The following TRIM66 variants were observed in gnomAD, a reference collection of about 807,000 sequenced individuals.
The protein encoded by TRIM66 is tripartite motif-containing protein 66.
Under a neutral mutation model 148.2 loss-of-function variants are expected in TRIM66, and 99 were observed. The observed-to-expected ratio is 0.67, with a 90% CI of 0.57 to 0.79. TRIM66 has a LOEUF of 0.79. Among genes scored for constraint, TRIM66 ranks in the 30% least tolerant of loss-of-function variants. The pLI is 0.00. For synonymous variants in TRIM66, 616 were observed against 635.9 expected, an observed-to-expected ratio of 0.97 and a Z score of 0.47; for missense variants, 1,666 against 1,697.9, an observed-to-expected ratio of 0.98 and a Z score of 0.33.
intron 15 of TRIM66, among the ~76,000 whole-genome samples, chr11:8,637,677 T>G (rs978078840): frequency 2.6e-5 from 4 of 152,190 alleles, no homozygotes; most frequent in African/African-American, 7.2e-5. Flanking sequence ...GCAACCAGCA[T>G]AGCTGGGCTG....
intron 3 of TRIM66, among the ~76,000 whole-genome samples, chr11:8,676,617 A>C (rs571701568): frequency 1.3e-5 from 2 of 152,306 alleles, no homozygotes; most frequent in South Asian, 4.1e-4. Context: ...AATTGAAGTA[A>C]CTCCATGAAA....
Position 8,646,492 on chromosome 11 carries a change from C to T in TRIM66, c.912G>A (p.Met304Ile). Residue 304 changes from methionine to isoleucine, a missense_variant, in exon 11 of 25, where the codon ATG becomes ATA. Coordinates refer to ENST00000646038, the MANE Select transcript of TRIM66 (RefSeq NM_001388022.1). ...CATTGGCCTGTTTGTTCAGCTCATT[C>T]ATCAGAACCATCTTGGCCATTTTGA... ...NQIKMAKMVL[M>I]NELNKQANGL... 3 of 1,552,216 alleles carry T rather than the reference C, an allele frequency of 1.9e-6. No individual in the cohort carries two copies. The highest frequency in any genetic ancestry group is 2.6e-6 in the Non-Finnish European group (3 of 1,147,104).
chr11:8,648,684 A>T, intron 8 of TRIM66, 136 bp from the exon 9 acceptor site: 2 of 1,104,226 alleles, frequency 1.8e-6, no homozygotes, highest in Non-Finnish European at 1.3e-6. Flanking sequence ...TATAAACAGG[A>T]GATGACTCTC....
intron 15 of TRIM66, among the ~76,000 whole-genome samples, chr11:8,637,299 A>C (rs1245647825): frequency 6.9e-6 from 1 of 144,700 alleles, no homozygotes; most frequent in Non-Finnish European, 1.5e-5. Flanking sequence ...TCAGATATAG[A>C]TATAGATATA....
At chr11:8,644,213 C>T (rs2036649448) in intron 12 of TRIM66, 1 of 324,746 alleles carries the variant, frequency 3.1e-6, no homozygotes. Flanking sequence ...TCCTAATTCC[C>T]TCCCCATCGC....
At position 8,624,416 on chromosome 11, in the gene TRIM66, G is replaced by C. The variant is rs1320528124; in HGVS notation, c.2962C>G (p.Pro988Ala). The C allele has an allele frequency of 6.4e-7, 1 of 1,551,662 alleles. No homozygotes were observed. Among genetic ancestry groups the C allele is most frequent in the Admixed American group, 2.0e-5 (1 of 50,992 alleles). ...GACGTGCTGACCACTGGCGCCAGTG[G>C]AGGTTTCTTCACAGAGAGGTTAATT... ...EPINLSVKKP[P>A]LAPVVSTSTA... Residue 988 changes from proline (P) to alanine (A), a missense_variant, in exon 17 of 25, where the codon CCA becomes GCA. Pro to Ala is a conservative substitution (Grantham distance 27). Coordinates refer to ENST00000646038, the MANE Select transcript of TRIM66 (RefSeq NM_001388022.1).
chr11:8,682,439 A>C (rs1262060611), intron 1 of TRIM66, 162 bp downstream of exon 1: 23 of 318,564 alleles, frequency 7.2e-5, no homozygotes, highest in Non-Finnish European at 1.4e-4. Flanking sequence ...TTTGGTGAGG[A>C]GCTCAGACAA....
chr11:8,623,191 T>C (rs2034475077), intron 17 of TRIM66, among the ~76,000 whole-genome samples: 1 of 152,236 alleles, frequency 6.6e-6, no homozygotes, highest in South Asian at 2.1e-4. Context: ...TCACTTGTTC[T>C]CAGTACACCA....
chr11:8,622,713 T>G (rs2034421052), intron 18 of TRIM66, 103 bp downstream of exon 18: 3 of 1,115,532 alleles, frequency 2.7e-6, no homozygotes, highest in Non-Finnish European at 4.0e-6. Context: ...GCAGGCAAAT[T>G]TCTTCCACTT....
intron 17 of TRIM66, 24 bp from the exon 18 acceptor site, chr11:8,622,900 C>T: frequency 6.5e-7 from 1 of 1,548,346 alleles, no homozygotes; most frequent in Non-Finnish European, 8.7e-7. Context: ...CAAACAAATA[C>T]CTGTGACACA....
At chr11:8,643,471 C>G (rs764939024) in intron 12 of TRIM66, among the ~76,000 whole-genome samples, 10 of 151,942 alleles carry the variant, frequency 6.6e-5, no homozygotes, top group Non-Finnish European at 1.3e-4. Flanking sequence ...TCCTGAGTAG[C>G]TAGGACTACA....
intron 7 of TRIM66, among the ~76,000 whole-genome samples, chr11:8,650,461 AAAGGAGGAAGGG>A (rs916160467): frequency 4.0e-5 from 6 of 149,206 alleles, no homozygotes; most frequent in African/African-American, 9.8e-5. Flanking sequence ...AGCAGAAGGA[AAAGGAGGAAGGG>A]AAGGAGGAAG....
chr11:8,680,463 C>G (rs866609153), intron 1 of TRIM66, among the ~76,000 whole-genome samples: 3 of 150,864 alleles, frequency 2.0e-5, no homozygotes, highest in Non-Finnish European at 4.4e-5. Context: ...AGGCAGGGCA[C>G]TAAGGCTTAA....
At position 8,613,173 on chromosome 11, in the gene TRIM66, G is replaced by A. The variant is rs967479680; in HGVS notation, c.*4771C>T. The A allele has an allele frequency of 2.6e-5, 4 of 152,170 alleles. No homozygotes were observed. Among genetic ancestry groups the A allele is most frequent in the African/African-American group, 9.7e-5 (4 of 41,402 alleles). The allele number at this position is 152,170 out of a possible 1,614,324, so 9.4% of individuals were successfully genotyped here. A position where few individuals can be genotyped will look rare whatever the true frequency, so the allele number is the denominator to read the frequency against. ...GATTCTTCCTCCCTACCCAACTCCT[G>A]AAAAGAAGAGACCACAGACAGCCAC... On this transcript the variant is annotated 3_prime_UTR_variant, in exon 25 of 25. Transcript: ENST00000646038.
chr11:8,629,503 T>C (rs1044804520), intron 15 of TRIM66, among the ~76,000 whole-genome samples: 10 of 152,206 alleles, frequency 6.6e-5, no homozygotes, highest in Admixed American at 5.2e-4. Flanking sequence ...TCACAAGATA[T>C]GCACAAGATA....
At chr11:8,664,544 A>G (rs1433949033) in intron 6 of TRIM66, among the ~76,000 whole-genome samples, 8 of 152,190 alleles carry the variant, frequency 5.3e-5, no homozygotes, top group Non-Finnish European at 2.9e-5. Context: ...TACCTACTTT[A>G]TAAGGCTGCT....
intron 6 of TRIM66, among the ~76,000 whole-genome samples, chr11:8,670,249 A>G (rs1010901976): frequency 1.3e-5 from 2 of 151,954 alleles, no homozygotes; most frequent in Non-Finnish European, 2.9e-5. Flanking sequence ...CTGACCTCAG[A>G]TGATTCGCTG....
intron 23 of TRIM66, 44 bp from the exon 24 acceptor site, chr11:8,619,012 A>G (rs1400513969): frequency 1.7e-5 from 26 of 1,520,562 alleles, no homozygotes; most frequent in African/African-American, 2.8e-5. Context: ...TGTTTCTACC[A>G]GTCCATCTCT....
rs1169163797 is a variant in TRIM66 at position 8,612,196 on chromosome 11, AGC to A, written c.*5746_*5747del. ...GGCCTAGGAGGAACTCATCCTACATAGCCAAGAAAGGGGTACAGCTTGAGGAA... is the reference window on the plus strand; with the variant it reads ...GGCCTAGGAGGAACTCATCCTACATACAAGAAAGGGGTACAGCTTGAGGAA... On this transcript the variant is annotated 3_prime_UTR_variant, in exon 25 of 25. Transcript: ENST00000646038. 1 of 152,226 alleles carries A rather than the reference AGC, an allele frequency of 6.6e-6. No homozygotes were observed. Among genetic ancestry groups the A allele is most frequent in the African/African-American group, 2.4e-5 (1 of 41,438 alleles). 9.4% of individuals were successfully genotyped at this position (152,226 alleles called of 1,614,324 possible).
Sources: allele counts gnomAD v4.1 joint callset (sites outside exome capture counted in the v4.1 genomes callset), GRCh38; gene constraint gnomAD v4.1.1; transcripts MANE v1.5; gene names NCBI Gene and HGNC (gene_info 2026-07-23, HGNC 2026-07-21).